AP4S1: variants seen among roughly 807,000 people sequenced by gnomAD.
The protein encoded by AP4S1 is AP-4 complex subunit sigma-1.
AP4S1 carries 23 observed loss-of-function variants against 19.8 expected under a neutral mutation model. The observed-to-expected ratio is 1.16, with a 90% CI of 0.84 to 1.65. The LOEUF is 1.65. Among genes scored for constraint, AP4S1 ranks in the 40% most tolerant of loss-of-function variants. The probability of loss-of-function intolerance (pLI) is 0.00; values close to 1 mark genes in which losing one functional copy is unlikely to be tolerated. For missense variants in AP4S1, 166 were observed against 172.8 expected (o/e 0.96, Z 0.22); for synonymous variants, 46 against 54.1 (o/e 0.85, Z 0.66).
chr14:31,031,474 G>A lies in AP4S1; in HGVS notation c.-72+5687G>A, dbSNP rs537712652. The stretch of plus-strand genomic sequence containing the variant: ...ACTAGACTAATATGAATATTTTTTC[G>A]TCACGTCAATCATTTTTGTTAGTTG... On this transcript the variant is annotated intron_variant, in intron 1 of 5. Transcript: ENST00000542754. Among the ~76,000 whole-genome samples the A allele has an allele frequency of 5.3e-5, 8 of 152,162 alleles. 1 individual carries two copies. Among genetic ancestry groups the A allele is most frequent in the South Asian group, 4.1e-4 (2 of 4,820 alleles).
At chr14:31,025,564 C>T, upstream of AP4S1, 1 of 362,346 alleles carries the variant, frequency 2.8e-6, no homozygotes. Context: ...AGGCCCCAAA[C>T]CGGACTCTCC....
intron 1 of AP4S1, chr14:31,033,075 G>A (rs930403446): frequency 6.6e-6 from 1 of 152,166 alleles, no homozygotes; most frequent in South Asian, 2.1e-4. Flanking sequence ...AAACTAGAAA[G>A]TCTCCCCGCA....
intron 5 of AP4S1, among the ~76,000 whole-genome samples, chr14:31,091,261 G>A (rs1888068887): frequency 6.6e-6 from 1 of 152,162 alleles, no homozygotes; most frequent in Non-Finnish European, 1.5e-5. Flanking sequence ...CATTTTCAAA[G>A]GCACTAAGGC....
intron 1 of AP4S1, among the ~76,000 whole-genome samples, chr14:31,035,193 C>CTTTTTTTT (rs11393950): frequency 2.9e-5 from 3 of 103,624 alleles, no homozygotes; most frequent in Admixed American, 1.2e-4. Flanking sequence ...ATGGTAATTC[C>CTTTTTTTT]TTTTTTTTTT....
At chr14:31,041,389 T>C (rs1413918117) in intron 1 of AP4S1, among the ~76,000 whole-genome samples, 1 of 152,154 alleles carries the variant, frequency 6.6e-6, no homozygotes, top group Non-Finnish European at 1.5e-5. Context: ...ACCTCAGGTA[T>C]CCGCCTGCCT....
At chr14:31,089,618 A>G (rs1179044112) in intron 5 of AP4S1, among the ~76,000 whole-genome samples, 6 of 152,234 alleles carry the variant, frequency 3.9e-5, no homozygotes, top group Non-Finnish European at 8.8e-5. Flanking sequence ...CCAGAGATCA[A>G]AATTCCAATG....
At chr14:31,092,832 C>G (rs1172300882) in intron 5 of AP4S1, 75 bp from the exon 6 acceptor site, 1 of 1,174,752 alleles carries the variant, frequency 8.5e-7, no homozygotes, top group Non-Finnish European at 1.2e-6. Flanking sequence ...TGGGAACACT[C>G]TAGGTTAAGC....
intron 5 of AP4S1, among the ~76,000 whole-genome samples, chr14:31,088,807 C>CA (rs1283476951): frequency 0.18 from 6,250 of 34,538 alleles, 609 homozygotes; most frequent in East Asian, 0.3. Context: ...GACTCCATCT[C>CA]AAAAAAAAAA....
At chr14:31,038,448 CA>C (rs1031764522) in intron 1 of AP4S1, among the ~76,000 whole-genome samples, 2 of 152,084 alleles carry the variant, frequency 1.3e-5, no homozygotes, top group Non-Finnish European at 2.9e-5. Context: ...TCTAAGCTAG[CA>C]AAACATGCAT....
At chr14:31,052,317 G>A (rs1339953828) in intron 1 of AP4S1, among the ~76,000 whole-genome samples, 1 of 152,104 alleles carries the variant, frequency 6.6e-6, no homozygotes, top group Non-Finnish European at 1.5e-5. Flanking sequence ...TCAGTTTGTA[G>A]TATCTGCGCT....
chr14:31,042,439 T>C (rs188990883), intron 1 of AP4S1, among the ~76,000 whole-genome samples: 2 of 152,290 alleles, frequency 1.3e-5, no homozygotes, highest in African/African-American at 4.8e-5. Flanking sequence ...TAAACTGTTC[T>C]TACCTCCTCT....
chr14:31,037,529 G>T (rs996210062), intron 1 of AP4S1, among the ~76,000 whole-genome samples: 1 of 151,966 alleles, frequency 6.6e-6, no homozygotes, highest in Non-Finnish European at 1.5e-5. Flanking sequence ...ATTTTCATCC[G>T]ACCACTATTA....
At chr14:31,039,717 T>A (rs988935826) in intron 1 of AP4S1, among the ~76,000 whole-genome samples, 1 of 151,600 alleles carries the variant, frequency 6.6e-6, no homozygotes, top group East Asian at 2.0e-4. Context: ...CAGCCTCCCG[T>A]GTAGCTGGGA....
At chr14:31,039,339 C>T (rs1350787908) in intron 1 of AP4S1, among the ~76,000 whole-genome samples, 1 of 151,858 alleles carries the variant, frequency 6.6e-6, no homozygotes, top group Non-Finnish European at 1.5e-5. Flanking sequence ...GTGTGAGCCA[C>T]CATGCCCAGC....
rs574704214 is a variant in AP4S1 at position 31,062,227 on chromosome 14, T to G, written c.-71-3899T>G. ...GATTCTCCTGCCTCAGGCTCCCAAG[T>G]AGCTGGGATTACAGGCGCCCACCAC... is the stretch of plus-strand genomic sequence containing the variant. On this transcript the variant is annotated intron_variant, in intron 1 of 5. Transcript: ENST00000542754. Among the ~76,000 whole-genome samples the G allele has an allele frequency of 3.2e-3, 485 of 152,200 alleles. 2 individuals are homozygous for G. The highest frequency in any genetic ancestry group is 5.1e-3 in the Non-Finnish European group (344 of 68,008).
intron 5 of AP4S1, chr14:31,085,648 C>T (rs1014528831): frequency 1.5e-6 from 1 of 673,432 alleles, no homozygotes. Flanking sequence ...TGGTGTGTGC[C>T]TATAGTCCCA....
chr14:31,088,881 G>A (rs1223305386), intron 5 of AP4S1, among the ~76,000 whole-genome samples: 5 of 151,538 alleles, frequency 3.3e-5, no homozygotes, highest in African/African-American at 1.2e-4. Flanking sequence ...ACAGGGCCGG[G>A]CACAGTGGCT....
In AP4S1 at chr14:31,054,378, T is replaced by A. The variant is rs183175960; in HGVS notation, c.-71-11748T>A. 8.7e-4 allele frequency among the ~76,000 whole-genome samples: 133 copies of A among 152,046 alleles called. 2 individuals are homozygous for A. In the East Asian group the frequency reaches 0.015, roughly 18 times the overall value. On this transcript the variant is annotated intron_variant, in intron 1 of 5. Coordinates refer to ENST00000542754, the MANE Select transcript of AP4S1 (RefSeq NM_001128126.3). Reference sequence around the variant, plus strand: ...AGCAAGACCCCGTGTCTACAAAAAATTTTTTTTTAATTAGCAGGGCATGGG... The same window carrying A: ...AGCAAGACCCCGTGTCTACAAAAAAATTTTTTTTAATTAGCAGGGCATGGG...
intron 1 of AP4S1, among the ~76,000 whole-genome samples, chr14:31,034,410 T>G (rs2139420359): frequency 6.6e-6 from 1 of 152,200 alleles, no homozygotes; most frequent in Non-Finnish European, 1.5e-5. Context: ...GTTTTTATAG[T>G]TTCGTAACAA....
Sources: allele counts gnomAD v4.1 joint callset (sites outside exome capture counted in the v4.1 genomes callset), GRCh38; gene constraint gnomAD v4.1.1; transcripts MANE v1.5; gene names NCBI Gene and HGNC (gene_info 2026-07-23, HGNC 2026-07-21).